Variants in TRANK1 observed in about 807,000 individuals in gnomAD.
The protein encoded by TRANK1 is TPR and ankyrin repeat-containing protein 1.
In TRANK1, 198 loss-of-function variants were observed where a neutral mutation model predicts 266.0. The observed-to-expected ratio is 0.74, with a 90% CI of 0.66 to 0.84. TRANK1 has a LOEUF of 0.84. Among genes scored for constraint, TRANK1 ranks in the 40% least tolerant of loss-of-function variants. The probability of loss-of-function intolerance (pLI) is 0.00; values close to 1 mark genes in which losing one functional copy is unlikely to be tolerated. For missense variants in TRANK1, 3,326 were observed against 3,634.6 expected (o/e 0.92, Z 2.18); for synonymous variants, 1,396 against 1,384.1 (o/e 1.01, Z -0.19).
At chr3:36,907,599 G>A (rs2079990609) in intron 2 of TRANK1, among the ~76,000 whole-genome samples, 3 of 151,006 alleles carry the variant, frequency 2.0e-5, no homozygotes, top group African/African-American at 7.3e-5. Flanking sequence ...GGAGTAGCTG[G>A]GACTACAGGT....
chr3:36,921,796 G>A (rs562595612), intron 1 of TRANK1, among the ~76,000 whole-genome samples: 8 of 152,174 alleles, frequency 5.3e-5, no homozygotes, highest in Non-Finnish European at 1.0e-4. Flanking sequence ...ACAACAGGGT[G>A]AGCTAGTACA....
intron 1 of TRANK1, among the ~76,000 whole-genome samples, chr3:36,933,296 C>T (rs2080384628): frequency 6.6e-6 from 1 of 152,272 alleles, no homozygotes; most frequent in Non-Finnish European, 1.5e-5. Context: ...TAAAGGCTCT[C>T]GTGCCCCTTT....
chr3:36,887,216 C>T (rs1318894597), intron 8 of TRANK1, among the ~76,000 whole-genome samples: 2 of 152,160 alleles, frequency 1.3e-5, no homozygotes, highest in Non-Finnish European at 1.5e-5. Context: ...AATTACTAGG[C>T]TAATGTTAGC....
In TRANK1 at chr3:36,874,269, A is replaced by G. The variant is rs1213049495; in HGVS notation, c.935T>C (p.Leu312Pro). The G allele has an allele frequency of 1.3e-6, 2 of 1,537,028 alleles. No homozygotes were observed. The highest frequency in any genetic ancestry group is 2.7e-5 in the African/African-American group (2 of 73,020). ...CAAAGTGGGATCTGCCCCAAAGCGC[A>G]GGAGCATCTGCACATCCTCTGTTTG... ...KRQTEDVQMLLRFGADPTLLD... is the reference protein window; with the variant it reads ...KRQTEDVQMLPRFGADPTLLD... The change falls in exon 9 of 24, where the codon CTG (leucine) becomes CCG (proline). Residue 312 changes from leucine to proline, a missense_variant. Leu to Pro is a moderately conservative substitution (Grantham distance 98). Coordinates refer to ENST00000645898, the MANE Select transcript of TRANK1 (RefSeq NM_001329998.2).
rs766604146 is a variant in TRANK1, at chr3:36,831,445, T to C, written c.8138A>G (p.Lys2713Arg). ...CCGCTGTATGGAGGCCTTCCGTTGC[T>C]TTTGGGAAAGAATGGTGGCCAGGAC... ...DHVLATILSQ[K>R]QRKASIQRKL... The change falls in exon 22 of 24, where the codon AAG (lysine) becomes AGG (arginine). Residue 2713 changes from lysine (K) to arginine (R), a missense_variant. Transcript: ENST00000645898. This position sits in a 1 kb window ranked among gnomAD's most constrained non-coding sequence, Gnocchi z 5.0. The C allele has an allele frequency of 1.8e-5, 29 of 1,613,076 alleles. No individual in the cohort carries two copies. The South Asian group carries it at 3.1e-4, about 17-fold the overall frequency.
intron 3 of TRANK1, among the ~76,000 whole-genome samples, chr3:36,900,851 C>CAAAAAAAGAAAAAAAAAAAAAAAAA (rs2079866076): frequency 1.6e-5 from 1 of 63,008 alleles, no homozygotes; most frequent in Non-Finnish European, 3.3e-5. Flanking sequence ...GACCCTGTCT[C>CAAAAAAAGAAAAAAAAAAAAAAAAA]AAAAAAAAAA....
intron 9 of TRANK1, among the ~76,000 whole-genome samples, 189 bp from the exon 10 acceptor site, chr3:36,864,669 T>C (rs1575223161): frequency 6.6e-6 from 1 of 152,326 alleles, no homozygotes; most frequent in South Asian, 2.1e-4. Flanking sequence ...GCTTCATGAC[T>C]TGCTATGACA....
chr3:36,916,510 A>G (rs1559472020), intron 1 of TRANK1, among the ~76,000 whole-genome samples: 2 of 152,246 alleles, frequency 1.3e-5, no homozygotes, highest in Admixed American at 1.3e-4. Context: ...CAGTGAGCCA[A>G]GATCGTGCCA....
intron 8 of TRANK1, chr3:36,880,369 C>T (rs78201887): frequency 0.024 from 9,419 of 387,822 alleles, 182 homozygotes; most frequent in Non-Finnish European, 0.035. Context: ...GGATTAAGAC[C>T]TCTAGCCAGC....
At chr3:36,914,213 A>G (rs1332971194) in intron 1 of TRANK1, among the ~76,000 whole-genome samples, 1 of 151,644 alleles carries the variant, frequency 6.6e-6, no homozygotes, top group African/African-American at 2.4e-5. Flanking sequence ...GGCTCACTGC[A>G]AACTCCATCT....
intron 8 of TRANK1, among the ~76,000 whole-genome samples, chr3:36,888,595 C>A (rs894144679): frequency 6.6e-6 from 1 of 152,170 alleles, no homozygotes; most frequent in Non-Finnish European, 1.5e-5. Flanking sequence ...AAACAAGCCT[C>A]GCTGGGCTCC....
intron 15 of TRANK1, chr3:36,850,935 C>G: frequency 3.0e-6 from 3 of 985,508 alleles, no homozygotes; most frequent in South Asian, 4.7e-5. Context: ...ACACAGCCAG[C>G]TAAGTCCCCA....
rs562354250 is a variant in TRANK1, at chr3:36,899,663, C to T, written c.283-404G>A. Among the ~76,000 whole-genome samples the T allele has an allele frequency of 5.9e-5, 9 of 152,264 alleles. No individual in the cohort carries two copies. In the South Asian group the frequency reaches 1.7e-3, roughly 28 times the overall value. Reference sequence around the variant, plus strand: ...AACAGACTTATATCCTGTCTTACTTCTATGTAAACATGGATTTCTAACCAA... The same window carrying T: ...AACAGACTTATATCCTGTCTTACTTTTATGTAAACATGGATTTCTAACCAA... On this transcript the variant is annotated intron_variant, in intron 3 of 23. Transcript: ENST00000645898.
chr3:36,853,235 T>G (rs2079008848), intron 13 of TRANK1, among the ~76,000 whole-genome samples: 1 of 152,170 alleles, frequency 6.6e-6, no homozygotes, highest in African/African-American at 2.4e-5. Flanking sequence ...AACTCTGAGG[T>G]CTGAGAAGCT....
At chr3:36,944,260 C>G (rs917565958) in intron 1 of TRANK1, among the ~76,000 whole-genome samples, 4 of 152,230 alleles carry the variant, frequency 2.6e-5, no homozygotes, top group African/African-American at 9.6e-5. Flanking sequence ...CCCAGCAGCC[C>G]TCAATCGGGC....
Position 36,864,372 on chromosome 3 carries a change from A to G in TRANK1, c.1187T>C (p.Phe396Ser). The change falls in exon 10 of 24, where the codon TTT becomes TCT. Residue 396 changes from phenylalanine to serine, a missense_variant. Physicochemically the swap from Phe to Ser is radical, Grantham distance 155 (BLOSUM62 -2). Coordinates refer to ENST00000645898, the MANE Select transcript of TRANK1 (RefSeq NM_001329998.2). ...NSGNRLLHKN[F>S]LKQEVVQRFL... is the part of the protein sequence containing the mutation. ...CCTCTGAACTACTTCCTGCTTCAGA[A>G]AGTTTTTATGCAATAACCGGTTTCC... 6.5e-7 allele frequency: 1 copy of G among 1,536,964 alleles called. No homozygotes were observed.
rs1490899839 is a variant in TRANK1 at position 36,833,475 on chromosome 3, T to G, written c.6108A>C (p.Gln2036His). 1 of 1,613,798 alleles carries G rather than the reference T, an allele frequency of 6.2e-7. No homozygotes were observed. The highest frequency in any genetic ancestry group is 1.3e-5 in the African/African-American group (1 of 74,938). Reference protein sequence around the residue: ...LSGIAEAHFLQGVILRDFQKL... With the variant: ...LSGIAEAHFLHGVILRDFQKL... ...TCTGAAAGTCTCTCAGGATTACCCC[T>G]TGCAGGAAGTGGGCCTCCGCAATGC... Residue 2036 changes from glutamine (Q) to histidine (H), a missense_variant, in exon 22 of 24, where the codon CAA becomes CAC. Gln to His is a conservative substitution (Grantham distance 24). Coordinates refer to ENST00000645898, the MANE Select transcript of TRANK1 (RefSeq NM_001329998.2).
At chr3:36,874,653 G>A (rs1445461499) in intron 8 of TRANK1, among the ~76,000 whole-genome samples, 3 of 152,106 alleles carry the variant, frequency 2.0e-5, no homozygotes, top group Admixed American at 6.5e-5. Context: ...ATTCCCTAGA[G>A]AGGAAACAAA....
chr3:36,829,736 G>A, intron 22 of TRANK1, 74 bp from the exon 23 acceptor site: 1 of 1,466,860 alleles, frequency 6.8e-7, no homozygotes, highest in Non-Finnish European at 9.4e-7. Context: ...ACTAGACCCA[G>A]AGTCCCCACA....
Sources: allele counts gnomAD v4.1 joint callset (sites outside exome capture counted in the v4.1 genomes callset), GRCh38; gene constraint gnomAD v4.1.1; non-coding constraint Gnocchi (gnomAD v3.1); transcripts MANE v1.5; gene names NCBI Gene and HGNC (gene_info 2026-07-23, HGNC 2026-07-21).